Variants in CHN1 observed in about 807,000 individuals in gnomAD.
CHN1 encodes the protein N-chimaerin.
Under a neutral mutation model 59.5 loss-of-function variants are expected in CHN1, and 37 were observed. The observed-to-expected ratio is 0.62, with a 90% CI of 0.48 to 0.82. The LOEUF (loss-of-function observed/expected upper bound fraction) is 0.82. Ranked by LOEUF, CHN1 falls within the 40% of genes least tolerant of loss-of-function variation. The pLI, the probability that CHN1 is intolerant of heterozygous loss-of-function variation, is 0.00. For missense variants in CHN1, 469 were observed against 571.0 expected, an observed-to-expected ratio of 0.82 and a Z score of 1.82; for synonymous variants, 206 against 200.4, an observed-to-expected ratio of 1.03 and a Z score of -0.24.
chr2:174,918,506 A>G (rs749859917), intron 4 of CHN1, 28 bp downstream of exon 4: 2 of 1,548,676 alleles, frequency 1.3e-6, no homozygotes, highest in African/African-American at 1.4e-5. Flanking sequence ...GCCAATCTAT[A>G]AAACGTTTTC....
intron 1 of CHN1, among the ~76,000 whole-genome samples, chr2:174,976,456 C>T (rs1230733465): frequency 6.6e-6 from 1 of 151,996 alleles, no homozygotes; most frequent in Non-Finnish European, 1.5e-5. Context: ...CCAGCCTGAT[C>T]TTGAACTCCT....
chr2:174,859,551 C>A (rs1355601198), intron 6 of CHN1, among the ~76,000 whole-genome samples: 1 of 152,196 alleles, frequency 6.6e-6, no homozygotes, highest in South Asian at 2.1e-4. Context: ...CACACTTTTA[C>A]ACTGTCCCCA....
At chr2:174,933,896 T>C (rs1173108429) in intron 3 of CHN1, among the ~76,000 whole-genome samples, 2 of 152,092 alleles carry the variant, frequency 1.3e-5, no homozygotes, top group African/African-American at 4.8e-5. Flanking sequence ...GATGGTTGGG[T>C]GGATGTGACA....
intron 8 of CHN1, among the ~76,000 whole-genome samples, chr2:174,820,270 T>C (rs1320785400): frequency 6.6e-6 from 1 of 152,188 alleles, no homozygotes; most frequent in Non-Finnish European, 1.5e-5. Flanking sequence ...GTTGAACTAG[T>C]TTACAGTCCC....
chr2:174,936,112 A>G (rs375726522), intron 3 of CHN1, among the ~76,000 whole-genome samples: 32 of 152,280 alleles, frequency 2.1e-4, no homozygotes, highest in African/African-American at 7.7e-4. Flanking sequence ...GTCCAGCCTC[A>G]GTCTACTTTA....
intron 1 of CHN1, among the ~76,000 whole-genome samples, chr2:174,987,591 G>A (rs563841575): frequency 7.9e-5 from 12 of 151,744 alleles, no homozygotes; most frequent in African/African-American, 2.7e-4. Context: ...GTATTAGCCC[G>A]CCACCAGCTA....
chr2:174,952,143 C>T, intron 2 of CHN1, 21 bp downstream of exon 2: 1 of 1,386,354 alleles, frequency 7.2e-7, no homozygotes, highest in East Asian at 2.8e-5. Context: ...CTATAACCCA[C>T]ACAATTATTT....
At chr2:174,829,712 G>T (rs996355471) in intron 7 of CHN1, among the ~76,000 whole-genome samples, 1 of 152,178 alleles carries the variant, frequency 6.6e-6, no homozygotes, top group African/African-American at 2.4e-5. Context: ...TTTTGCTTGG[G>T]AAGGTGGCAA....
intron 3 of CHN1, among the ~76,000 whole-genome samples, chr2:174,930,717 T>A (rs889761948): frequency 4.6e-5 from 7 of 152,194 alleles, no homozygotes; most frequent in African/African-American, 1.7e-4. Flanking sequence ...CAACTTAATA[T>A]TCAAGACGGA....
chr2:174,815,570 A>G (rs1162401943), intron 8 of CHN1, among the ~76,000 whole-genome samples: 1 of 111,162 alleles, frequency 9.0e-6, no homozygotes, highest in South Asian at 2.8e-4. Flanking sequence ...CCTAATATCT[A>G]TTTCTTTTCG....
intron 1 of CHN1, among the ~76,000 whole-genome samples, chr2:174,987,762 T>A (rs1691397289): frequency 6.6e-6 from 1 of 152,150 alleles, no homozygotes; most frequent in African/African-American, 2.4e-5. Context: ...CAGAGGTAAG[T>A]AAGGAGAAAC....
chr2:174,866,243 A>C lies in CHN1; in HGVS notation c.549+11597T>G, dbSNP rs1209819167. On this transcript the variant is annotated intron_variant, in intron 6 of 12. Coordinates refer to ENST00000409900, the MANE Select transcript of CHN1 (RefSeq NM_001822.7). Reference sequence around the variant, plus strand: ...GGATCACTCCAAGCTATGACCAAACACTTAGCATATAGGACTATAGAAATT... The same window carrying C: ...GGATCACTCCAAGCTATGACCAAACCCTTAGCATATAGGACTATAGAAATT... 5.3e-5 allele frequency among the ~76,000 whole-genome samples: 8 copies of C among 152,202 alleles called. No homozygotes were observed. The East Asian group carries it at 1.5e-3, about 29-fold the overall frequency.
chr2:174,945,081 A>G, intron 2 of CHN1, 138 bp from the exon 3 acceptor site: 1 of 611,652 alleles, frequency 1.6e-6, no homozygotes, highest in Non-Finnish European at 2.9e-6. Context: ...GTTATGAACA[A>G]AACAAAAAAA....
intron 11 of CHN1, among the ~76,000 whole-genome samples, chr2:174,807,267 T>G (rs1574037236): frequency 6.6e-6 from 1 of 152,154 alleles, no homozygotes; most frequent in Non-Finnish European, 1.5e-5. Context: ...TGGCGGTGTG[T>G]GGAGTTCAGA....
At chr2:174,913,154 T>TGGTA (rs1688749099) in intron 5 of CHN1, among the ~76,000 whole-genome samples, 1 of 152,154 alleles carries the variant, frequency 6.6e-6, no homozygotes, top group Admixed American at 6.5e-5. Flanking sequence ...ACAGGCAATG[T>TGGTA]GGTAATGTGG....
intron 1 of CHN1, among the ~76,000 whole-genome samples, chr2:174,984,557 T>TG (rs1691274830): frequency 6.6e-6 from 1 of 151,692 alleles, no homozygotes; most frequent in South Asian, 2.1e-4. Context: ...TTAGTAGAGA[T>TG]GGGGTTTCAC....
rs1478065835 is a variant in CHN1, at chr2:174,800,057, A to T, written c.*59T>A. On this transcript the variant is annotated 3_prime_UTR_variant, in exon 13 of 13. Transcript: ENST00000409900. The stretch of plus-strand genomic sequence containing the variant: ...ATAATGCAGCTACAGGAGCAAATTA[A>T]ATTACTATAAAACATTCCTTCATCT... 1 of 1,455,776 alleles carries T rather than the reference A, an allele frequency of 6.9e-7. No homozygotes were observed. The highest frequency in any genetic ancestry group is 9.4e-7 in the Non-Finnish European group (1 of 1,064,422). The allele number at this position is 1,455,776 out of a possible 1,614,324, so 90.2% of individuals were successfully genotyped here. A position where few individuals can be genotyped will look rare whatever the true frequency, so the allele number is the denominator to read the frequency against.
chr2:174,853,664 C>T (rs762102210), intron 6 of CHN1, among the ~76,000 whole-genome samples: 1 of 152,178 alleles, frequency 6.6e-6, no homozygotes. Flanking sequence ...CATCACAACA[C>T]TATTCACAAT....
At chr2:174,837,925 C>T (rs764642519) in intron 7 of CHN1, among the ~76,000 whole-genome samples, 7 of 152,128 alleles carry the variant, frequency 4.6e-5, no homozygotes, top group Admixed American at 1.3e-4. Flanking sequence ...ATTTTTGTGT[C>T]ATGCACTATT....
Sources: gnomAD v4.1 joint callset for allele counts (sites outside exome capture counted in the v4.1 genomes callset) on GRCh38, gnomAD v4.1.1 for gene constraint, MANE v1.5 for transcripts, NCBI Gene and HGNC (gene_info 2026-07-23, HGNC 2026-07-21) for gene names.